Variants in MOB4 observed in about 807,000 individuals in gnomAD.
MOB4 encodes the protein MOB family member 4, phocein.
In MOB4, 4 loss-of-function variants were observed where a neutral mutation model predicts 32.2. The ratio of observed to expected loss-of-function variants is 0.12; its 90% CI spans 0.06 to 0.28. The LOEUF (loss-of-function observed/expected upper bound fraction) is 0.28. MOB4 is among the 10% of genes least tolerant of loss of function. The pLI, the probability that MOB4 is intolerant of heterozygous loss-of-function variation, is 1.00. For synonymous variants in MOB4, 88 were observed against 88.1 expected, an observed-to-expected ratio of 1.00 and a Z score of 0.01; for missense variants, 158 against 271.2, an observed-to-expected ratio of 0.58 and a Z score of 2.93.
At chr2:197,516,928 C>T (rs540071751) in intron 1 of MOB4, among the ~76,000 whole-genome samples, 1 of 152,290 alleles carries the variant, frequency 6.6e-6, no homozygotes, top group East Asian at 1.9e-4. Context: ...ATAAAATTGG[C>T]ATCCAGACTT....
chr2:197,541,142 C>G (rs1292187372), intron 5 of MOB4, among the ~76,000 whole-genome samples: 4 of 152,114 alleles, frequency 2.6e-5, no homozygotes, highest in African/African-American at 4.8e-5. Flanking sequence ...CTCAAGTAAT[C>G]TGCCCACCTC....
intron 2 of MOB4, among the ~76,000 whole-genome samples, chr2:197,528,214 CT>C (rs1255350153): frequency 6.6e-6 from 1 of 152,072 alleles, no homozygotes; most frequent in East Asian, 1.9e-4. Context: ...TTTGTTCCTT[CT>C]GGGCTTTTCA....
At chr2:197,515,916 T>C, upstream of MOB4, 2 of 632,208 alleles carry the variant, frequency 3.2e-6, no homozygotes, top group Non-Finnish European at 5.3e-6. Context: ...TCGTTCGCCC[T>C]CTCCCTCCGC....
At chr2:197,548,565 G>A in intron 6 of MOB4, 150 bp downstream of exon 6, 1 of 449,700 alleles carries the variant, frequency 2.2e-6, no homozygotes, top group South Asian at 3.1e-5. Context: ...CATGGCACAT[G>A]TATACATATG....
rs761839479 is a variant in MOB4, at chr2:197,550,673, T to C, written c.*27T>C. On this transcript the variant is annotated 3_prime_UTR_variant, in exon 8 of 8. Coordinates refer to ENST00000323303, the MANE Select transcript of MOB4 (RefSeq NM_015387.5). ...GGGAATCATAGGAAAAATGTACTGA[T>C]CATATAATTAACATTATGTACTGTA... 6 of 1,567,322 alleles carry C rather than the reference T, an allele frequency of 3.8e-6. No homozygotes were observed. In the East Asian group the frequency reaches 1.1e-4, roughly 29 times the overall value.
rs1310667908 is a variant in MOB4, at chr2:197,529,980, T to G, written c.124-5550T>G. On this transcript the variant is annotated intron_variant, in intron 2 of 7. Coordinates refer to ENST00000323303, the MANE Select transcript of MOB4 (RefSeq NM_015387.5). ...TGGCCTTATTTTCATTTTTATTCAT[T>G]TATTTTTGAAATGGAGTCTCACTCT... Among the ~76,000 whole-genome samples, 11 of 152,018 alleles carry G rather than the reference T, an allele frequency of 7.2e-5. No homozygotes were observed. The East Asian group carries it at 2.1e-3, about 30-fold the overall frequency.
intron 1 of MOB4, among the ~76,000 whole-genome samples, chr2:197,519,398 C>T (rs192034671): frequency 6.6e-6 from 1 of 152,256 alleles, no homozygotes; most frequent in African/African-American, 2.4e-5. Context: ...GTACCCCCAC[C>T]CCATACCAAA....
In MOB4 at chr2:197,539,965, A is replaced by G. The variant is rs2086869315; in HGVS notation, c.225-146A>G. 3 of 743,166 alleles carry G rather than the reference A, an allele frequency of 4.0e-6. No individual in the cohort carries two copies. The Admixed American group carries it at 1.1e-4, about 27-fold the overall frequency. The allele number at this position is 743,166 out of a possible 1,614,324, so 46.0% of individuals were successfully genotyped here. A position where few individuals can be genotyped will look rare whatever the true frequency, so the allele number is the denominator to read the frequency against. ...TTTAATCTGTAAGCCTTTAGAAGAA[A>G]TGTGTCATTGTCAGTTTAGGTGGTT... On this transcript the variant is annotated intron_variant, in intron 3 of 7. Coordinates refer to ENST00000323303, the MANE Select transcript of MOB4 (RefSeq NM_015387.5).
chr2:197,522,024 T>A (rs758692012), intron 1 of MOB4, among the ~76,000 whole-genome samples: 1 of 152,128 alleles, frequency 6.6e-6, no homozygotes, highest in Non-Finnish European at 1.5e-5. Flanking sequence ...ACAATTTGTG[T>A]TTAGAGACTG....
At chr2:197,522,389 G>C (rs1009011497) in intron 1 of MOB4, among the ~76,000 whole-genome samples, 3 of 137,806 alleles carry the variant, frequency 2.2e-5, no homozygotes, top group South Asian at 2.4e-4. Flanking sequence ...GGAGTGCAGT[G>C]GCGTGATCTT....
In MOB4 at chr2:197,526,378, G is replaced by A. The variant is rs115075036; in HGVS notation, c.123+2692G>A. Among the ~76,000 whole-genome samples, 783 of 152,022 alleles carry A rather than the reference G, an allele frequency of 5.2e-3. 2 individuals are homozygous for A. Among genetic ancestry groups the A allele is most frequent in the Non-Finnish European group, 7.4e-3 (502 of 67,992 alleles). ...TGTCACCAGGCTGGAGTGCAGTGGCGTGACCTCAACTCACTGCAGCCTCTG... is the reference window on the plus strand; with the variant it reads ...TGTCACCAGGCTGGAGTGCAGTGGCATGACCTCAACTCACTGCAGCCTCTG... On this transcript the variant is annotated intron_variant, in intron 2 of 7. Coordinates refer to ENST00000323303, the MANE Select transcript of MOB4 (RefSeq NM_015387.5).
chr2:197,523,812 A>G lies in MOB4; in HGVS notation c.123+126A>G, dbSNP rs1046110083. The G allele has an allele frequency of 3.4e-5, 27 of 784,938 alleles. No homozygotes were observed. The Middle Eastern group carries it at 1.2e-3, about 34-fold the overall frequency. The allele number at this position is 784,938 out of a possible 1,614,324, so 48.6% of individuals were successfully genotyped here. ...TTCCCAATAAAGCGTGCTCTTTCACAAAACAAAACAAAATAGTTCCTTTTA... is the reference window on the plus strand; with the variant it reads ...TTCCCAATAAAGCGTGCTCTTTCACGAAACAAAACAAAATAGTTCCTTTTA... On this transcript the variant is annotated intron_variant, in intron 2 of 7. Transcript: ENST00000323303.
At chr2:197,522,296 AT>A (rs984265459) in intron 1 of MOB4, among the ~76,000 whole-genome samples, 1 of 51,432 alleles carries the variant, frequency 1.9e-5, no homozygotes, top group Non-Finnish European at 4.5e-5. Context: ...CATTCTTTCT[AT>A]TTTTTTTGTA....
intron 1 of MOB4, among the ~76,000 whole-genome samples, chr2:197,519,279 C>T (rs2086473121): frequency 6.6e-6 from 1 of 152,174 alleles, no homozygotes; most frequent in African/African-American, 2.4e-5. Flanking sequence ...CTCTCATAGG[C>T]ATCTAAAATA....
chr2:197,547,271 G>A (rs1442803504), intron 5 of MOB4, among the ~76,000 whole-genome samples: 2 of 152,142 alleles, frequency 1.3e-5, no homozygotes, highest in South Asian at 4.1e-4. Flanking sequence ...TCAAACCTGT[G>A]TTGTTCAAGG....
chr2:197,528,684 C>G (rs2086649472), intron 2 of MOB4, among the ~76,000 whole-genome samples: 2 of 148,144 alleles, frequency 1.4e-5, no homozygotes, highest in Admixed American at 1.4e-4. Context: ...GGCACAATCT[C>G]TGCTCACTGC....
chr2:197,522,323 C>CTTTTTTTTTTTT (rs57163165), intron 1 of MOB4, among the ~76,000 whole-genome samples: 1 of 66,438 alleles, frequency 1.5e-5, no homozygotes, highest in Non-Finnish European at 2.5e-5. Context: ...GGGTGATTAC[C>CTTTTTTTTTTTT]TTTTTTTTTT....
chr2:197,516,057 ACCGACTCCAG>A, exon 1 of MOB4: 1 of 1,564,824 alleles, frequency 6.4e-7, no homozygotes, highest in Middle Eastern at 1.7e-4. Flanking sequence ...ACATCCGGGT[ACCGACTCCAG>A]CCGCCTAGAC....
At position 197,552,299 on chromosome 2, in the gene MOB4, C is replaced by T. The variant is rs2087111602; in HGVS notation, c.*1653C>T. ...GGATTTATATTAATGGCACTATAAA[C>T]CAATGGTAATGGTAATTTTTAAACT... On this transcript the variant is annotated 3_prime_UTR_variant, in exon 8 of 8. Transcript: ENST00000323303. 6.6e-6 allele frequency: 1 copy of T among 152,214 alleles called. No homozygotes were observed. Among genetic ancestry groups the T allele is most frequent in the South Asian group, 2.1e-4 (1 of 4,824 alleles). The allele number at this position is 152,214 out of a possible 1,614,324, so 9.4% of individuals were successfully genotyped here.
Sources: gnomAD v4.1 joint callset for allele counts (sites outside exome capture counted in the v4.1 genomes callset) on GRCh38, gnomAD v4.1.1 for gene constraint, MANE v1.5 for transcripts, NCBI Gene and HGNC (gene_info 2026-07-23, HGNC 2026-07-21) for gene names.